Variants in SKA3 observed in about 807,000 individuals in gnomAD.
SKA3 encodes the protein spindle and kinetochore-associated protein 3.
A neutral mutation model predicts 44.2 loss-of-function variants in SKA3; 39 were observed. The observed-to-expected ratio is 0.88, with a 90% CI of 0.68 to 1.15. The LOEUF is 1.15. SKA3 is among the 50% of genes most tolerant of loss of function. The probability of loss-of-function intolerance (pLI) is 0.00; values close to 1 mark genes in which losing one functional copy is unlikely to be tolerated. For synonymous variants in SKA3, 192 were observed against 172.0 expected, an observed-to-expected ratio of 1.12 and a Z score of -0.91; for missense variants, 511 against 485.8, an observed-to-expected ratio of 1.05 and a Z score of -0.49.
intron 5 of SKA3, among the ~76,000 whole-genome samples, chr13:21,161,315 T>G (rs1870425761): frequency 6.6e-6 from 1 of 152,142 alleles, no homozygotes; most frequent in Admixed American, 6.5e-5. Flanking sequence ...GATTTTTTTA[T>G]CTTGCTTTTT....
chr13:21,161,451 G>A (rs867092972), intron 5 of SKA3, among the ~76,000 whole-genome samples: 3 of 152,072 alleles, frequency 2.0e-5, no homozygotes, highest in Non-Finnish European at 4.4e-5. Flanking sequence ...TATTCCGTGC[G>A]TGGTTTATAT....
At chr13:21,165,014 T>C (rs1343360891) in intron 4 of SKA3, among the ~76,000 whole-genome samples, 1 of 152,108 alleles carries the variant, frequency 6.6e-6, no homozygotes, top group African/African-American at 2.4e-5. Context: ...TTTAAACAGA[T>C]AACTTATCTA....
chr13:21,165,363 AGT>A (rs1288797135), intron 4 of SKA3, among the ~76,000 whole-genome samples: 2 of 152,046 alleles, frequency 1.3e-5, no homozygotes, highest in Admixed American at 1.3e-4. Flanking sequence ...TCGAAGCTGC[AGT>A]GAGCTATGAT....
At chr13:21,155,547 C>T (rs1870064766) in intron 8 of SKA3, 146 bp downstream of exon 8, 5 of 598,754 alleles carry the variant, frequency 8.4e-6, no homozygotes, top group South Asian at 1.9e-5. Flanking sequence ...GCTGGGACTA[C>T]AGGTGTGCAC....
chr13:21,161,845 G>A lies in SKA3; in HGVS notation c.774C>T (p.Leu258=). 6.2e-7 allele frequency: 1 copy of A among 1,612,364 alleles called. No homozygotes were observed. The highest frequency in any genetic ancestry group is 1.1e-5 in the South Asian group (1 of 90,830). ...SEEAIDTESR[L]NDNVFATPSP... is the part of the protein sequence containing the mutation. ...TGGGAGTGGCAAAAACATTATCATT[G>A]AGCCTGGATTCTGTATCTATGGCCT... Residue 258 remains leucine, a synonymous_variant, in exon 5 of 9, where the codon CTC becomes CTT. Coordinates refer to ENST00000314759, the MANE Select transcript of SKA3 (RefSeq NM_145061.6).
Position 21,161,802 on chromosome 13 carries a change from A to G in SKA3, c.817T>C (p.Leu273=), listed in dbSNP as rs768281032. The G allele has an allele frequency of 8.1e-6, 13 of 1,610,942 alleles. No individual in the cohort carries two copies. The East Asian group carries it at 2.0e-4, about 25-fold the overall frequency. Residue 273 remains leucine (L), a synonymous_variant, in exon 5 of 9, where the codon TTG becomes CTG. Coordinates refer to ENST00000314759, the MANE Select transcript of SKA3 (RefSeq NM_145061.6). ...FATPSPIIQQ[L]EKSDAEYTNS... is the part of the protein sequence containing the mutation. Reference sequence around the variant, plus strand: ...TTCTTATACTTACCACTTTTTTCCAACTGCTGGATGATGGGGCTGGGAGTG... The same window carrying G: ...TTCTTATACTTACCACTTTTTTCCAGCTGCTGGATGATGGGGCTGGGAGTG...
At chr13:21,174,767 CCAA>C (rs60501469) in intron 1 of SKA3, among the ~76,000 whole-genome samples, 18 of 150,664 alleles carry the variant, frequency 1.2e-4, no homozygotes, top group South Asian at 4.2e-4. Context: ...GCGTACTGCT[CCAA>C]CAACAACAAC....
intron 6 of SKA3, 71 bp downstream of exon 6, chr13:21,159,831 G>C (rs938788998): frequency 8.7e-7 from 1 of 1,152,574 alleles, no homozygotes; most frequent in Admixed American, 2.3e-5. Context: ...CAGACTCTTT[G>C]AGCCTGCAAG....
intron 1 of SKA3, 33 bp from the exon 2 acceptor site, chr13:21,172,714 A>G (rs1442955413): frequency 2.3e-6 from 3 of 1,316,708 alleles, no homozygotes; most frequent in African/African-American, 1.5e-5. Context: ...AAAGAAGTCC[A>G]ATAAATGTAA....
intron 4 of SKA3, among the ~76,000 whole-genome samples, chr13:21,164,033 G>A (rs2137367597): frequency 6.6e-6 from 1 of 152,202 alleles, no homozygotes; most frequent in East Asian, 1.9e-4. Flanking sequence ...CAAAGTGTTT[G>A]GATTACAGGC....
intron 4 of SKA3, among the ~76,000 whole-genome samples, chr13:21,166,882 GTTT>G: frequency 6.6e-6 from 1 of 152,074 alleles, no homozygotes; most frequent in South Asian, 2.1e-4. Context: ...TATCTTTAGT[GTTT>G]TTTTCCCCAG....
chr13:21,173,854 A>G (rs565706437), intron 1 of SKA3, among the ~76,000 whole-genome samples: 3 of 152,148 alleles, frequency 2.0e-5, no homozygotes, highest in Non-Finnish European at 4.4e-5. Context: ...ATATTTCTGT[A>G]TGTTAAGAGA....
intron 4 of SKA3, among the ~76,000 whole-genome samples, chr13:21,166,011 T>G (rs925492635): frequency 6.6e-6 from 1 of 152,118 alleles, no homozygotes; most frequent in Non-Finnish European, 1.5e-5. Flanking sequence ...TTTTTGGAGC[T>G]TGTTATCTGA....
At chr13:21,160,027 A>G (rs528223015) in intron 5 of SKA3, 40 bp from the exon 6 acceptor site, 98 of 1,104,264 alleles carry the variant, frequency 8.9e-5, no homozygotes, top group Non-Finnish European at 1.1e-4. Context: ...AACTATAACT[A>G]TAGTATGCTT....
chr13:21,176,116 A>G (rs1160539874), intron 1 of SKA3, among the ~76,000 whole-genome samples: 1 of 152,180 alleles, frequency 6.6e-6, no homozygotes, highest in African/African-American at 2.4e-5. Context: ...TCATTATCTC[A>G]AGAGAGCCGT....
In SKA3 at chr13:21,168,100, C is replaced by T. The variant is rs1358960729; in HGVS notation, c.631G>A (p.Asp211Asn). 1 of 1,614,156 alleles carries T rather than the reference C, an allele frequency of 6.2e-7. No homozygotes were observed. Among genetic ancestry groups the T allele is most frequent in the Non-Finnish European group, 8.5e-7 (1 of 1,180,010 alleles). The change falls in exon 4 of 9, where the codon GAT becomes AAT. Residue 211 changes from aspartate (D) to asparagine (N), a missense_variant. Coordinates refer to ENST00000314759, the MANE Select transcript of SKA3 (RefSeq NM_145061.6). ...LKTPKCALKM[D>N]DFECVTPKLE... ...TTAGGAGTTACACACTCAAAATCATCCATTTTTAGTGCACATTTTGGAGTT... is the reference window on the plus strand; with the variant it reads ...TTAGGAGTTACACACTCAAAATCATTCATTTTTAGTGCACATTTTGGAGTT...
rs1367691800 is a variant in SKA3 at position 21,172,438 on chromosome 13, C to A, written c.232G>T (p.Ala78Ser). 1.9e-6 allele frequency: 3 copies of A among 1,592,092 alleles called. No homozygotes were observed. ...ENQEGIDFIK[A>S]TKVLMEKNSM... ...TTTTTTTCCATTAGTACTTTTGTTG[C>A]CTTTATGAAATCAATGCCTTCTTGA... The change falls in exon 3 of 9, where the codon GCA becomes TCA. Residue 78 changes from alanine to serine, a missense_variant. Transcript: ENST00000314759.
At chr13:21,172,970 G>A (rs1372661849) in intron 1 of SKA3, among the ~76,000 whole-genome samples, 1 of 152,184 alleles carries the variant, frequency 6.6e-6, no homozygotes, top group Non-Finnish European at 1.5e-5. Flanking sequence ...TAGGTATGCA[G>A]TAGGTCATAT....
intron 1 of SKA3, 34 bp downstream of exon 1, chr13:21,176,341 C>G (rs1236924442): frequency 1.1e-5 from 14 of 1,243,126 alleles, no homozygotes; most frequent in Middle Eastern, 5.4e-4. Context: ...CGGCGCACCC[C>G]ACGCACCGTG....
Sources: allele counts gnomAD v4.1 joint callset (sites outside exome capture counted in the v4.1 genomes callset), GRCh38; gene constraint gnomAD v4.1.1; transcripts MANE v1.5; gene names NCBI Gene and HGNC (gene_info 2026-07-23, HGNC 2026-07-21).